GNAI1: variants seen among roughly 807,000 people sequenced by gnomAD.
The protein encoded by GNAI1 is guanine nucleotide-binding protein G(i) subunit alpha-1.
In GNAI1, 11 loss-of-function variants were observed where a neutral mutation model predicts 38.9. The observed-to-expected ratio is 0.28, with a 90% CI of 0.18 to 0.47. The LOEUF is 0.47. Ranked by LOEUF, GNAI1 falls within the 20% of genes least tolerant of loss-of-function variation. GNAI1 has a pLI of 0.99. For missense variants in GNAI1, 317 were observed against 436.9 expected (o/e 0.73, Z 2.45); for synonymous variants, 166 against 145.1 (o/e 1.14, Z -1.04).
intron 1 of GNAI1, among the ~76,000 whole-genome samples, chr7:80,173,926 C>T (rs538339360): frequency 7.9e-5 from 12 of 152,242 alleles, no homozygotes; most frequent in African/African-American, 2.9e-4. Flanking sequence ...GAAATATCAA[C>T]CCCAGAGGCT....
At position 80,134,994 on chromosome 7, in the gene GNAI1, C is replaced by G. The variant is rs1476025580; in HGVS notation, c.-167C>G. ...AACAGCCGCCCGTTGCTGTCTGCCCCTTTGCGGACAGCGTCTCCCTCGACT... is the reference window on the plus strand; with the variant it reads ...AACAGCCGCCCGTTGCTGTCTGCCCGTTTGCGGACAGCGTCTCCCTCGACT... On this transcript the variant is annotated 5_prime_UTR_variant, in exon 1 of 8. Transcript: ENST00000649796. 1.2e-5 allele frequency: 5 copies of G among 422,676 alleles called. No individual in the cohort carries two copies. Among genetic ancestry groups the G allele is most frequent in the Admixed American group, 4.3e-5 (1 of 22,998 alleles). 26.2% of individuals were successfully genotyped at this position (422,676 alleles called of 1,614,324 possible). A position where few individuals can be genotyped will look rare whatever the true frequency, so the allele number is the denominator to read the frequency against.
intron 3 of GNAI1, among the ~76,000 whole-genome samples, chr7:80,190,459 ATAAAT>A (rs1336927460): frequency 3.9e-5 from 6 of 152,160 alleles, no homozygotes; most frequent in Admixed American, 1.3e-4. Context: ...TGATAAATGC[ATAAAT>A]TAGAGTGATT....
intron 1 of GNAI1, among the ~76,000 whole-genome samples, chr7:80,178,437 T>G (rs1788231234): frequency 6.6e-6 from 1 of 151,794 alleles, no homozygotes; most frequent in Non-Finnish European, 1.5e-5. Flanking sequence ...AAAGGTAGAG[T>G]CAGTCAGTGC....
chr7:80,214,202 A>G (rs1788921937), intron 7 of GNAI1, among the ~76,000 whole-genome samples: 1 of 152,196 alleles, frequency 6.6e-6, no homozygotes, highest in Non-Finnish European at 1.5e-5. Context: ...GTTCAAACTA[A>G]TTTCACACAT....
rs536503285 is a variant in GNAI1, at chr7:80,140,427, A to G, written c.118+5149A>G. Among the ~76,000 whole-genome samples, 168 of 152,344 alleles carry G rather than the reference A, an allele frequency of 1.1e-3. 2 individuals carry two copies. The highest frequency in any genetic ancestry group is 4.0e-3 in the African/African-American group (165 of 41,588). ...TTTTTAAACAGAAATTGTGTATTCAACCACAATCAATTTTTATTTTGTTAC... is the reference window on the plus strand; with the variant it reads ...TTTTTAAACAGAAATTGTGTATTCAGCCACAATCAATTTTTATTTTGTTAC... On this transcript the variant is annotated intron_variant, in intron 1 of 7. Transcript: ENST00000649796.
intron 3 of GNAI1, among the ~76,000 whole-genome samples, chr7:80,197,257 A>G (rs1197660803): frequency 6.6e-6 from 1 of 151,416 alleles, no homozygotes; most frequent in East Asian, 1.9e-4. Context: ...AAAATAAAAC[A>G]TCATCTCACT....
intron 1 of GNAI1, among the ~76,000 whole-genome samples, chr7:80,147,426 C>T (rs989853257): frequency 5.3e-5 from 8 of 151,254 alleles, no homozygotes; most frequent in African/African-American, 1.9e-4. Context: ...AAGAAGTGGC[C>T]ATATGAGACA....
At position 80,208,256 on chromosome 7, in the gene GNAI1, T is replaced by C. The variant is rs1279449588; in HGVS notation, c.591-2713T>C. Among the ~76,000 whole-genome samples, 127 of 152,254 alleles carry C rather than the reference T, an allele frequency of 8.3e-4. 1 individual carries two copies. Among genetic ancestry groups the C allele is most frequent in the Admixed American group, 8.2e-3 (126 of 15,274 alleles). ...TTTATATGAAGGAGAAAATACCATA[T>C]TTTTGCTCTTTTTAAATAGAAGTTC... On this transcript the variant is annotated intron_variant, in intron 5 of 7. Transcript: ENST00000649796.
chr7:80,154,916 A>G (rs752435749), intron 1 of GNAI1, among the ~76,000 whole-genome samples: 18 of 152,202 alleles, frequency 1.2e-4, no homozygotes, highest in Non-Finnish European at 2.2e-4. Context: ...TATAGATAAA[A>G]TATTTTTTAA....
chr7:80,168,373 T>C (rs1048862534), intron 1 of GNAI1, among the ~76,000 whole-genome samples: 1 of 152,098 alleles, frequency 6.6e-6, no homozygotes, highest in African/African-American at 2.4e-5. Context: ...ATTCACCATT[T>C]TAATTATTTT....
rs1345899000 is a variant in GNAI1 at position 80,219,360 on chromosome 7, A to G, written c.*1867A>G. ...TGAAATCCTGAACTTTATTCTGTGT[A>G]ATTGTGTTAATAAATCCTAATAAAT... On this transcript the variant is annotated 3_prime_UTR_variant, in exon 8 of 8. Coordinates refer to ENST00000649796, the MANE Select transcript of GNAI1 (RefSeq NM_002069.6). The G allele has an allele frequency of 6.6e-6, 1 of 152,614 alleles. No homozygotes were observed. The highest frequency in any genetic ancestry group is 1.5e-5 in the Non-Finnish European group (1 of 68,020). The allele number at this position is 152,614 out of a possible 1,614,324, so 9.5% of individuals were successfully genotyped here.
intron 3 of GNAI1, among the ~76,000 whole-genome samples, chr7:80,195,233 T>C (rs992005415): frequency 1.3e-5 from 2 of 151,870 alleles, no homozygotes; most frequent in African/African-American, 4.8e-5. Context: ...TTATTGATAA[T>C]TTCCCTTCTT....
intron 1 of GNAI1, among the ~76,000 whole-genome samples, chr7:80,152,753 T>C (rs919980134): frequency 1.3e-5 from 2 of 151,758 alleles, no homozygotes; most frequent in Admixed American, 1.3e-4. Context: ...TTAGTAGAGA[T>C]GGGGTTTCAC....
rs1028837447 is a variant in GNAI1, at chr7:80,219,254, A to G, written c.*1761A>G. The G allele has an allele frequency of 6.6e-6, 1 of 152,610 alleles. No homozygotes were observed. Among genetic ancestry groups the G allele is most frequent in the African/African-American group, 2.4e-5 (1 of 41,456 alleles). The allele number at this position is 152,610 out of a possible 1,614,324, so 9.5% of individuals were successfully genotyped here. On this transcript the variant is annotated 3_prime_UTR_variant, in exon 8 of 8. Transcript: ENST00000649796. ...ATTGTGAAGCTGTGTATGAAATTCA[A>G]CTATAATATGAATAAATTTGAATCA... is the stretch of plus-strand genomic sequence containing the variant.
chr7:80,140,453 A>G (rs1002871863), intron 1 of GNAI1, among the ~76,000 whole-genome samples: 3 of 152,230 alleles, frequency 2.0e-5, no homozygotes, highest in Non-Finnish European at 4.4e-5. Flanking sequence ...ATTTTGTTAC[A>G]CATGTCTAAC....
chr7:80,217,649 A>G lies in GNAI1; in HGVS notation c.*156A>G. The G allele has an allele frequency of 2.1e-6, 1 of 469,942 alleles. No homozygotes were observed. Among genetic ancestry groups the G allele is most frequent in the Non-Finnish European group, 3.8e-6 (1 of 265,746 alleles). The allele number at this position is 469,942 out of a possible 1,614,324, so 29.1% of individuals were successfully genotyped here. A position where few individuals can be genotyped will look rare whatever the true frequency, so the allele number is the denominator to read the frequency against. ...GTTCTGTTTTGTTTTTTTAACTGAA[A>G]GTAACAGAAGGACCTTTCTTAAATG... On this transcript the variant is annotated 3_prime_UTR_variant, in exon 8 of 8. Coordinates refer to ENST00000649796, the MANE Select transcript of GNAI1 (RefSeq NM_002069.6).
rs1395867625 is a variant in GNAI1 at position 80,216,401 on chromosome 7, TTAA to T, written c.875-898_875-896del. On this transcript the variant is annotated intron_variant, in intron 7 of 7. Transcript: ENST00000649796. ...TACTCACTGATAATCACTGAAGACC[TTAA>T]TAAAAGAAAGAACACAAAGGAAATA... is the stretch of plus-strand genomic sequence containing the variant. Among the ~76,000 whole-genome samples, 8 of 152,194 alleles carry T rather than the reference TTAA, an allele frequency of 5.3e-5. No homozygotes were observed. In the East Asian group the frequency reaches 1.2e-3, roughly 22 times the overall value.
Position 80,225,441 on chromosome 7 carries a change from T to C in GNAI1, c.*7948T>C, listed in dbSNP as rs1194369458. On this transcript the variant is annotated 3_prime_UTR_variant, in exon 8 of 8. Transcript: ENST00000649796. The stretch of plus-strand genomic sequence containing the variant: ...AAATCAAAAGATTAGTGGGGTTTTT[T>C]TTAATGTTGTTATTGTGTTGTGTTT... 6.6e-6 allele frequency among the ~76,000 whole-genome samples: 1 copy of C among 152,172 alleles called. No homozygotes were observed. Among genetic ancestry groups the C allele is most frequent in the Non-Finnish European group, 1.5e-5 (1 of 68,034 alleles).
chr7:80,224,521 AAAG>A lies in GNAI1; in HGVS notation c.*7032_*7034del, dbSNP rs935913532. ...CCATATCTTCAAAATCCAATGGCATAAAGAAGTTTTTCACAAGGGTGCCACATG... is the reference window on the plus strand; with the variant it reads ...CCATATCTTCAAAATCCAATGGCATAAAGTTTTTCACAAGGGTGCCACATG... On this transcript the variant is annotated 3_prime_UTR_variant, in exon 8 of 8. Transcript: ENST00000649796. 1.8e-4 allele frequency among the ~76,000 whole-genome samples: 27 copies of A among 152,288 alleles called. No homozygotes were observed. Among genetic ancestry groups the A allele is most frequent in the Middle Eastern group, 3.4e-3 (1 of 292 alleles).
Sources: gnomAD v4.1 joint callset for allele counts (sites outside exome capture counted in the v4.1 genomes callset) on GRCh38, gnomAD v4.1.1 for gene constraint, MANE v1.5 for transcripts, NCBI Gene and HGNC (gene_info 2026-07-23, HGNC 2026-07-21) for gene names.